BAZ2B: variants seen among roughly 807,000 people sequenced by gnomAD.
The protein encoded by BAZ2B is bromodomain adjacent to zinc finger domain 2B.
BAZ2B carries 91 observed loss-of-function variants against 246.0 expected under a neutral mutation model. That is an observed-to-expected ratio of 0.37 (90% CI 0.31 to 0.44). BAZ2B has a LOEUF of 0.44. Among genes scored for constraint, BAZ2B ranks in the 20% least tolerant of loss-of-function variants. The probability of loss-of-function intolerance (pLI) is 1.00; values close to 1 mark genes in which losing one functional copy is unlikely to be tolerated. For missense variants in BAZ2B, 2,332 were observed against 2,533.7 expected (o/e 0.92, Z 1.71); for synonymous variants, 855 against 860.0 (o/e 0.99, Z 0.10).
At chr2:159,317,209 G>C (rs2062217006), downstream of BAZ2B, among the ~76,000 whole-genome samples, 1 of 152,122 alleles carries the variant, frequency 6.6e-6, no homozygotes, top group African/African-American at 2.4e-5. Flanking sequence ...TTGAGGATGT[G>C]TTTAAAGGGA....
intron 1 of BAZ2B, among the ~76,000 whole-genome samples, chr2:159,563,061 C>T (rs142285897): frequency 2.6e-5 from 4 of 152,088 alleles, no homozygotes; most frequent in South Asian, 2.1e-4. Context: ...AATAATACAG[C>T]GGTCAAAGAA....
At chr2:159,699,556 A>G in the BAZ2B span, among the ~76,000 whole-genome samples, 1 of 152,126 alleles carries the variant, frequency 6.6e-6, no homozygotes, top group Non-Finnish European at 1.5e-5. Context: ...AAAAAAAAAG[A>G]GCTGGGGTTA....
At chr2:159,669,364 C>A in the BAZ2B span, among the ~76,000 whole-genome samples, 73 of 152,212 alleles carry the variant, frequency 4.8e-4, no homozygotes, top group African/African-American at 1.7e-3. Context: ...ATCACATGGT[C>A]TCTCTTTGAG....
At chr2:159,633,366 T>C in the BAZ2B span, among the ~76,000 whole-genome samples, 1 of 152,194 alleles carries the variant, frequency 6.6e-6, no homozygotes, top group Non-Finnish European at 1.5e-5. Context: ...ATTTACTTAG[T>C]AAGGAATGAC....
At chr2:159,705,109 C>T in the BAZ2B span, among the ~76,000 whole-genome samples, 1 of 151,886 alleles carries the variant, frequency 6.6e-6, no homozygotes, top group Non-Finnish European at 1.5e-5. Flanking sequence ...AAACCTCTGC[C>T]TCCTCAGCTC....
intron 3 of BAZ2B, among the ~76,000 whole-genome samples, chr2:159,465,707 A>G (rs1383054918): frequency 6.6e-6 from 1 of 152,164 alleles, no homozygotes; most frequent in East Asian, 1.9e-4. Context: ...AGATCACTTG[A>G]GGTCAGGAGC....
intron 30 of BAZ2B, among the ~76,000 whole-genome samples, 165 bp downstream of exon 30, chr2:159,348,513 G>A (rs952233819): frequency 2.0e-5 from 3 of 152,070 alleles, no homozygotes; most frequent in Non-Finnish European, 4.4e-5. Flanking sequence ...GTTCAGTACA[G>A]ATGCACCCAT....
intron 1 of BAZ2B, among the ~76,000 whole-genome samples, chr2:159,558,920 C>T (rs553312785): frequency 1.3e-5 from 2 of 152,036 alleles, no homozygotes; most frequent in Admixed American, 6.5e-5. Flanking sequence ...CCTTCTCTAC[C>T]CCATCATACC....
intron 36 of BAZ2B, among the ~76,000 whole-genome samples, chr2:159,320,862 C>T (rs950280207): frequency 1.2e-4 from 18 of 152,188 alleles, no homozygotes; most frequent in Admixed American, 5.2e-4. Flanking sequence ...ATAAAAATTA[C>T]ACTTGTCCTG....
upstream of BAZ2B, chr2:159,616,996 TA>T (rs1197580069): frequency 1.3e-5 from 2 of 152,136 alleles, no homozygotes; most frequent in South Asian, 4.1e-4. Context: ...GGTCCCGGGG[TA>T]AAATTCTACT....
At position 159,377,812 on chromosome 2, in the gene BAZ2B, C is replaced by CAAAAAAAAAAAA. The variant is rs35570732; in HGVS notation, c.4006-3071_4006-3060dup. 3.0e-3 allele frequency among the ~76,000 whole-genome samples: 286 copies of CAAAAAAAAAAAA among 94,104 alleles called. 1 individual carries two copies. Among genetic ancestry groups the CAAAAAAAAAAAA allele is most frequent in the Middle Eastern group, 5.3e-3 (1 of 188 alleles). 61.7% of individuals were successfully genotyped at this position (94,104 alleles called of 152,430 possible). A position where few individuals can be genotyped will look rare whatever the true frequency, so the allele number is the denominator to read the frequency against. On this transcript the variant is annotated intron_variant, in intron 25 of 36. Transcript: ENST00000392783. ...GGGTGACAGAGCGAGACTCTGTCTC[C>CAAAAAAAAAAAA]AAAAAAAAAAAAAAAAAAGAAGTGA...
At chr2:159,468,878 A>G (rs1337738109) in intron 3 of BAZ2B, among the ~76,000 whole-genome samples, 1 of 152,010 alleles carries the variant, frequency 6.6e-6, no homozygotes, top group Non-Finnish European at 1.5e-5. Context: ...CCCCGTCTCT[A>G]CTAAAAATAA....
chr2:159,683,103 A>C, the BAZ2B span, among the ~76,000 whole-genome samples: 23 of 152,180 alleles, frequency 1.5e-4, no homozygotes, highest in Non-Finnish European at 2.5e-4. Context: ...TATACTTTCG[A>C]CAAATGTATA....
At chr2:159,644,792 C>A in the BAZ2B span, among the ~76,000 whole-genome samples, 2 of 152,292 alleles carry the variant, frequency 1.3e-5, no homozygotes, top group South Asian at 4.1e-4. Context: ...TCAAGTGGTT[C>A]TTCAGCCATA....
intron 1 of BAZ2B, among the ~76,000 whole-genome samples, chr2:159,603,587 G>A (rs1692691147): frequency 6.6e-6 from 1 of 150,548 alleles, no homozygotes; most frequent in African/African-American, 2.4e-5. Flanking sequence ...CTCTGCCCCT[G>A]TATCTTCATT....
chr2:159,406,734 T>C (rs997606956), intron 14 of BAZ2B, among the ~76,000 whole-genome samples: 2 of 152,044 alleles, frequency 1.3e-5, no homozygotes, highest in Non-Finnish European at 2.9e-5. Context: ...GCAGGCACTA[T>C]TGTGTTAAAT....
In BAZ2B at chr2:159,349,981, A is replaced by G; in HGVS notation, c.4590T>C (p.Asn1530=). 6.2e-7 allele frequency: 1 copy of G among 1,614,210 alleles called. No homozygotes were observed. Residue 1530 remains asparagine, a synonymous_variant, in exon 28 of 37, where the codon AAT becomes AAC. Coordinates refer to ENST00000392783, the MANE Select transcript of BAZ2B (RefSeq NM_013450.4). ...ACTTCCCTGGACCACTTGAACCAGT[A>G]TTAAACAGATTATTAGAGTCTGCCT... is the stretch of plus-strand genomic sequence containing the variant. The part of the protein sequence containing the change: ...VEKADSNNLF[N]TGSSGPGKFY...
Position 159,596,863 on chromosome 2 carries a change from ATTCATATCTTT to A in BAZ2B, c.-46+19368_-46+19378del, listed in dbSNP as rs564418587. Among the ~76,000 whole-genome samples, 20 of 152,304 alleles carry A rather than the reference ATTCATATCTTT, an allele frequency of 1.3e-4. No homozygotes were observed. The East Asian group carries it at 3.9e-3, about 29-fold the overall frequency. On this transcript the variant is annotated intron_variant, in intron 1 of 36. Coordinates refer to ENST00000392783, the MANE Select transcript of BAZ2B (RefSeq NM_013450.4). ...ATCCAAGTTGCTGCAAATGCCATTAATTCATATCTTTTTCATATAATGACTTCTTTTCCTCT... is the reference window on the plus strand; with the variant it reads ...ATCCAAGTTGCTGCAAATGCCATTAATTCATATAATGACTTCTTTTCCTCT...
chr2:159,355,548 C>T (rs2059015423), intron 27 of BAZ2B, among the ~76,000 whole-genome samples: 1 of 152,136 alleles, frequency 6.6e-6, no homozygotes, highest in Admixed American at 6.5e-5. Context: ...AATGCTTTAA[C>T]CATATCCTAA....
Sources: allele counts gnomAD v4.1 joint callset (sites outside exome capture counted in the v4.1 genomes callset), GRCh38; gene constraint gnomAD v4.1.1; transcripts MANE v1.5; gene names NCBI Gene and HGNC (gene_info 2026-07-23, HGNC 2026-07-21).